The following BPTF variants were observed in gnomAD, a reference collection of about 807,000 sequenced individuals.
The protein encoded by BPTF is nucleosome-remodeling factor subunit BPTF.
A neutral mutation model predicts 292.5 loss-of-function variants in BPTF; 18 were observed. The ratio of observed to expected loss-of-function variants is 0.06; its 90% CI spans 0.04 to 0.09. The LOEUF is 0.09. Among genes scored for constraint, BPTF ranks in the 10% least tolerant of loss-of-function variants. BPTF has a pLI of 1.00. For missense variants in BPTF, 2,726 were observed against 3,498.7 expected (o/e 0.78, Z 5.57); for synonymous variants, 1,225 against 1,251.9 (o/e 0.98, Z 0.45).
chr17:67,957,821 A>C (rs1233928541), intron 23 of BPTF, among the ~76,000 whole-genome samples: 1 of 152,174 alleles, frequency 6.6e-6, no homozygotes, highest in Non-Finnish European at 1.5e-5. Flanking sequence ...ATGTCACTGC[A>C]GTCCAGGCAG....
At position 67,891,881 on chromosome 17, in the gene BPTF, A is replaced by G; in HGVS notation, c.1902A>G (p.Leu634=). Residue 634 remains leucine, a synonymous_variant, in exon 5 of 28, where the codon CTA becomes CTG. Transcript: ENST00000306378. The part of the protein sequence containing the change: ...DFKSEKSNGE[L]SESPGAGKGA... ...AATCGGAGAAGTCCAACGGGGAGCT[A>G]AGTGAATCTCCTGGAGCTGGAAAAG... The G allele has an allele frequency of 6.2e-7, 1 of 1,609,228 alleles. No individual in the cohort carries two copies. Among genetic ancestry groups the G allele is most frequent in the South Asian group, 1.1e-5 (1 of 90,050 alleles).
intron 11 of BPTF, among the ~76,000 whole-genome samples, chr17:67,918,245 T>C (rs994751093): frequency 2.0e-5 from 3 of 152,214 alleles, no homozygotes. Context: ...CTCATTTTAT[T>C]CTTTTAGAAA....
chr17:67,870,190 T>C (rs2059636303), intron 3 of BPTF, among the ~76,000 whole-genome samples: 1 of 151,988 alleles, frequency 6.6e-6, no homozygotes, highest in Admixed American at 6.6e-5. Flanking sequence ...GGAAATAAGG[T>C]GAGTTGTACC....
Position 67,977,257 on chromosome 17 carries a change from G to T in BPTF, c.8726+1299G>T, listed in dbSNP as rs187814899. 2.0e-5 allele frequency among the ~76,000 whole-genome samples: 3 copies of T among 152,278 alleles called. No individual in the cohort carries two copies. The East Asian group carries it at 5.8e-4, about 29-fold the overall frequency. On this transcript the variant is annotated intron_variant, in intron 27 of 27. Coordinates refer to ENST00000306378, the MANE Select transcript of BPTF (RefSeq NM_182641.4). The stretch of plus-strand genomic sequence containing the variant: ...TGGCCAGGCATGGTGGCTCACGCCT[G>T]TAATCCCAGCACTTTGGGAGGCCAA...
intron 15 of BPTF, among the ~76,000 whole-genome samples, chr17:67,924,853 T>G (rs1256576177): frequency 1.3e-5 from 2 of 151,996 alleles, no homozygotes; most frequent in Admixed American, 1.3e-4. Context: ...CATCCCTGGT[T>G]CAAGCGGTCC....
chr17:67,907,767 C>T (rs1019558643), intron 9 of BPTF, among the ~76,000 whole-genome samples: 3 of 152,076 alleles, frequency 2.0e-5, no homozygotes, highest in African/African-American at 4.8e-5. Flanking sequence ...TGTATCTCTA[C>T]GTAGACATTT....
chr17:67,849,071 G>A (rs1247525122), intron 1 of BPTF, among the ~76,000 whole-genome samples: 1 of 152,114 alleles, frequency 6.6e-6, no homozygotes, highest in Non-Finnish European at 1.5e-5. Flanking sequence ...GCATCTTTTT[G>A]CTTCCCTTGC....
At chr17:67,868,410 C>A (rs1291246252) in intron 3 of BPTF, among the ~76,000 whole-genome samples, 2 of 152,192 alleles carry the variant, frequency 1.3e-5, no homozygotes, top group African/African-American at 4.8e-5. Context: ...CTGCAGATAG[C>A]AAAATCCATG....
intron 16 of BPTF, 57 bp downstream of exon 16, chr17:67,928,658 C>T: frequency 1.3e-6 from 2 of 1,501,822 alleles, no homozygotes; most frequent in Non-Finnish European, 1.8e-6. Flanking sequence ...GAATTTTCAA[C>T]CCTTTAGCTA....
At position 67,918,831 on chromosome 17, in the gene BPTF, A is replaced by G; in HGVS notation, c.5421A>G (p.Thr1807=). ...AGGCTCCTCCAGGAGGAGGGACTAC[A>G]CGGACAGGTAAGGGGGAAGGGAGTT... ...AAKAPPGGGT[T]RTETSETEIT... The change falls in exon 12 of 28, where the codon ACA becomes ACG. Residue 1807 remains threonine, a synonymous_variant. Coordinates refer to ENST00000306378, the MANE Select transcript of BPTF (RefSeq NM_182641.4). 6.2e-7 allele frequency: 1 copy of G among 1,613,200 alleles called. No homozygotes were observed. Among genetic ancestry groups the G allele is most frequent in the African/African-American group, 1.3e-5 (1 of 75,002 alleles).
chr17:67,978,115 A>T (rs1555694980), intron 27 of BPTF: 1 of 151,666 alleles, frequency 6.6e-6, no homozygotes, highest in Non-Finnish European at 1.5e-5. Context: ...CGGCCTCCCA[A>T]AGTGCTGGGA....
chr17:67,981,089 G>A (rs1294099689), intron 27 of BPTF, among the ~76,000 whole-genome samples: 1 of 152,204 alleles, frequency 6.6e-6, no homozygotes, highest in African/African-American at 2.4e-5. Context: ...AGCCCTGGAG[G>A]TTGAGGCTGC....
chr17:67,925,992 C>CTTT lies in BPTF; in HGVS notation c.5751+1431_5751+1433dup, dbSNP rs60083535. Among the ~76,000 whole-genome samples, 416 of 56,648 alleles carry CTTT rather than the reference C, an allele frequency of 7.3e-3. 103 individuals carry two copies. Among genetic ancestry groups the CTTT allele is most frequent in the Middle Eastern group, 0.038 (1 of 26 alleles). 37.2% of individuals were successfully genotyped at this position (56,648 alleles called of 152,430 possible). On this transcript the variant is annotated intron_variant, in intron 15 of 27. Coordinates refer to ENST00000306378, the MANE Select transcript of BPTF (RefSeq NM_182641.4). ...CTCTGCAATGTAACCTAACATATTA[C>CTTT]TTTTTTTTTTTTTTTTTTTTTTTTT...
chr17:67,915,536 T>C (rs564851351), intron 11 of BPTF, among the ~76,000 whole-genome samples: 1 of 152,298 alleles, frequency 6.6e-6, no homozygotes, highest in African/African-American at 2.4e-5. Context: ...TCTGCCTTTT[T>C]CTCTCATGCC....
rs1555698091 is a variant in BPTF, at chr17:67,984,163, A to G, written c.*1875A>G. 3 of 152,600 alleles carry G rather than the reference A, an allele frequency of 2.0e-5. No homozygotes were observed. The highest frequency in any genetic ancestry group is 7.2e-5 in the African/African-American group (3 of 41,450). The allele number at this position is 152,600 out of a possible 1,614,324, so 9.5% of individuals were successfully genotyped here. On this transcript the variant is annotated 3_prime_UTR_variant, in exon 28 of 28. Coordinates refer to ENST00000306378, the MANE Select transcript of BPTF (RefSeq NM_182641.4). ...TTAATGAGTTATAAAATTATTCTGC[A>G]TCTCATCACGTCACAGTATTTCTGT...
intron 1 of BPTF, among the ~76,000 whole-genome samples, chr17:67,846,542 A>G (rs2058042403): frequency 6.6e-6 from 1 of 152,202 alleles, no homozygotes; most frequent in Admixed American, 6.5e-5. Flanking sequence ...TAACATTGTC[A>G]CTTCACTGAT....
chr17:67,833,649 A>AC (rs2056906463), intron 1 of BPTF, among the ~76,000 whole-genome samples: 1 of 151,392 alleles, frequency 6.6e-6, no homozygotes, highest in Middle Eastern at 3.2e-3. Context: ...GCTCACTGCA[A>AC]CCTCTGCCTT....
intron 26 of BPTF, among the ~76,000 whole-genome samples, chr17:67,967,089 A>G (rs1337571263): frequency 6.6e-6 from 1 of 151,152 alleles, no homozygotes; most frequent in African/African-American, 2.4e-5. Context: ...AGAAAATGAG[A>G]CTGTCTCAAA....
chr17:67,837,540 T>G (rs2057228268), intron 1 of BPTF, among the ~76,000 whole-genome samples: 1 of 152,096 alleles, frequency 6.6e-6, no homozygotes, highest in Non-Finnish European at 1.5e-5. Flanking sequence ...CCTGAGTAGC[T>G]GTGATTAAAG....
Sources: allele counts gnomAD v4.1 joint callset (sites outside exome capture counted in the v4.1 genomes callset), GRCh38; gene constraint gnomAD v4.1.1; transcripts MANE v1.5; gene names NCBI Gene and HGNC (gene_info 2026-07-23, HGNC 2026-07-21).